C2: variants seen among roughly 807,000 people sequenced by gnomAD.
C2 encodes the protein C3/C5 convertase.
In C2, 64 loss-of-function variants were observed where a neutral mutation model predicts 85.2. That is an observed-to-expected ratio of 0.75 (90% CI 0.61 to 0.92). The LOEUF (loss-of-function observed/expected upper bound fraction) is 0.92, where lower values mean the gene tolerates loss of function less well. Ranked by LOEUF, C2 falls within the 40% of genes least tolerant of loss-of-function variation. C2 has a pLI of 0.00. For synonymous variants in C2, 311 were observed against 370.8 expected (o/e 0.84, Z 1.85); for missense variants, 820 against 971.6 (o/e 0.84, Z 2.07).
In C2 at chr6:31,945,004, T is replaced by C; in HGVS notation, c.2054T>C (p.Leu685Pro). 6.2e-7 allele frequency: 1 copy of C among 1,613,058 alleles called. No individual in the cohort carries two copies. Among genetic ancestry groups the C allele is most frequent in the Non-Finnish European group, 8.5e-7 (1 of 1,180,038 alleles). The change falls in exon 17 of 18, where the codon CTT becomes CCT. Residue 685 changes from leucine to proline, a missense_variant. Leu to Pro is a moderately conservative substitution (Grantham distance 98). Transcript: ENST00000299367. The surrounding 1 kb of genome is among the most constrained non-coding windows in gnomAD (Gnocchi z 5.3). ...CKGESGGAVF[L>P]ERRFRFFQVG... ...GGAGAATCTGGGGGAGCAGTTTTCC[T>C]TGAGCGGAGATTCAGGTTTTTTCAG...
exon 1 of C2, chr6:31,901,019 G>A: frequency 6.2e-7 from 1 of 1,614,218 alleles, no homozygotes; most frequent in Non-Finnish European, 8.5e-7. Flanking sequence ...GTCCCTAACA[G>A]CGAATTCCAA....
At chr6:31,925,607 G>A (rs116075920), upstream of C2, among the ~76,000 whole-genome samples, 688 of 152,106 alleles carry the variant, frequency 4.5e-3, 6 homozygotes, top group African/African-American at 0.016. Flanking sequence ...CTGTGCTTTC[G>A]ATATCACCCA....
rs1771001566 is a variant in C2, at chr6:31,942,961, A to T, written c.1222A>T (p.Ile408Phe). Residue 408 changes from isoleucine (I) to phenylalanine (F), a missense_variant and splice_region_variant, in exon 10 of 18, where the codon ATC becomes TTC. Coordinates refer to ENST00000299367, the MANE Select transcript of C2 (RefSeq NM_000063.6). ...GTGATTTCCCTCTTCCCCACCAGAC[A>T]TCTATGCCATCGGGGTGGGCAAGCT... is the stretch of plus-strand genomic sequence containing the variant. ...INQKRNDYLD[I>F]YAIGVGKLDV... 1 of 1,613,084 alleles carries T rather than the reference A, an allele frequency of 6.2e-7. No homozygotes were observed. The highest frequency in any genetic ancestry group is 8.5e-7 in the Non-Finnish European group (1 of 1,180,028).
chr6:31,901,435 G>A (rs1429207785), intron 1 of C2: 5 of 1,047,926 alleles, frequency 4.8e-6, no homozygotes, highest in Non-Finnish European at 6.7e-6. Flanking sequence ...CGATCTCCCG[G>A]TCTTCAGATT....
In C2 at chr6:31,942,945, C is replaced by G. The variant is rs1770999060; in HGVS notation, c.1220-14C>G. The stretch of plus-strand genomic sequence containing the variant: ...AAGCCACAGGAGTCTGGTGATTTCC[C>G]TCTTCCCCACCAGACATCTATGCCA... On this transcript the variant is annotated splice_polypyrimidine_tract_variant and intron_variant, in intron 9 of 17. Transcript: ENST00000299367. 9.9e-6 allele frequency: 16 copies of G among 1,612,938 alleles called. No homozygotes were observed. The East Asian group carries it at 3.6e-4, about 36-fold the overall frequency.
chr6:31,931,152 T>G (rs1032006897), intron 3 of C2, among the ~76,000 whole-genome samples: 2 of 152,258 alleles, frequency 1.3e-5, no homozygotes, highest in Non-Finnish European at 2.9e-5. Flanking sequence ...TTTTTATTGC[T>G]GTGTAGTATT....
chr6:31,928,111 G>A lies in C2; in HGVS notation c.203G>A (p.Gly68Glu), dbSNP rs750215781. 6.2e-7 allele frequency: 1 copy of A among 1,613,696 alleles called. No homozygotes were observed. Among genetic ancestry groups the A allele is most frequent in the Non-Finnish European group, 8.5e-7 (1 of 1,179,992 alleles). ...SPASRLCKSS[G>E]QWQTPGATRS... ...GCATCACGGCTGTGCAAGAGCAGCG[G>A]ACAGTGGCAGACCCCAGGAGCCACC... is the stretch of plus-strand genomic sequence containing the variant. Residue 68 changes from glycine (G) to glutamate (E), a missense_variant, in exon 2 of 18, where the codon GGA (glycine) becomes GAA (glutamate). Transcript: ENST00000299367.
intron 3 of C2, among the ~76,000 whole-genome samples, chr6:31,929,852 C>T (rs1769587797): frequency 6.6e-6 from 1 of 150,676 alleles, no homozygotes; most frequent in Admixed American, 6.6e-5. Flanking sequence ...GGTGAAACCT[C>T]GTCTATACTA....
chr6:31,909,931 A>G (rs902662562), intron 1 of C2, among the ~76,000 whole-genome samples: 2 of 151,378 alleles, frequency 1.3e-5, no homozygotes, highest in Non-Finnish European at 2.9e-5. Context: ...CCCCGGCTAG[A>G]GTACAGTGGT....
chr6:31,943,670 G>A lies in C2; in HGVS notation c.1594G>A (p.Glu532Lys), dbSNP rs763450579. 1 of 1,613,088 alleles carries A rather than the reference G, an allele frequency of 6.2e-7. No individual in the cohort carries two copies. The highest frequency in any genetic ancestry group is 8.5e-7 in the Non-Finnish European group (1 of 1,180,036). The change falls in exon 13 of 18, where the codon GAA (glutamate) becomes AAA (lysine). Residue 532 changes from glutamate to lysine, a missense_variant. Transcript: ENST00000299367. This position sits in a 1 kb window ranked among gnomAD's most constrained non-coding sequence, Gnocchi z 6.4. ...VGDPKSQWGK[E>K]FLIEKAVISP... The stretch of plus-strand genomic sequence containing the variant: ...AGACCCCAAATCCCAGTGGGGCAAA[G>A]AATTCCTTATTGAGAAGGCGGTGAT...
At chr6:31,900,430 C>T (rs1581991828), upstream of C2, 4 of 1,554,624 alleles carry the variant, frequency 2.6e-6, no homozygotes, top group East Asian at 2.4e-5. The surrounding 1 kb of genome is among the most constrained non-coding windows in gnomAD (Gnocchi z 9.7). Context: ...CCACCAGGCC[C>T]GAGGTGGCCC....
At chr6:31,934,103 C>T in intron 5 of C2, 63 bp from the exon 6 acceptor site, 1 of 1,599,480 alleles carries the variant, frequency 6.3e-7, no homozygotes, top group Admixed American at 1.7e-5. Context: ...GAAGCTGGAC[C>T]TGCTTGGCGA....
At chr6:31,901,607 G>T (rs1412510781) in intron 1 of C2, among the ~76,000 whole-genome samples, 1 of 151,754 alleles carries the variant, frequency 6.6e-6, no homozygotes, top group African/African-American at 2.4e-5. Flanking sequence ...GAAAAAGGGG[G>T]GCCAGAGGCC....
intron 1 of C2, among the ~76,000 whole-genome samples, chr6:31,908,205 A>G (rs938303291): frequency 6.8e-6 from 1 of 148,082 alleles, no homozygotes; most frequent in Non-Finnish European, 1.5e-5. Context: ...TTGCCCAGTC[A>G]TTGATCTTGA....
chr6:31,901,292 A>C (rs1767235781), intron 1 of C2: 6 of 1,609,774 alleles, frequency 3.7e-6, no homozygotes, highest in Non-Finnish European at 5.1e-6. Flanking sequence ...CAGGACTTCC[A>C]CCCCAGAGGC....
rs910798457 is a variant in C2, at chr6:31,939,123, C to T, written c.1130-108C>T. On this transcript the variant is annotated intron_variant, in intron 8 of 17. Transcript: ENST00000299367. ...CTAAAAGTATATTTTGAAGCTCTCA[C>T]AGGCAATGTAAATGTTGAGGTTCCC... 2.7e-5 allele frequency: 22 copies of T among 812,124 alleles called. No homozygotes were observed. The Admixed American group carries it at 3.8e-4, about 14-fold the overall frequency. The allele number at this position is 812,124 out of a possible 1,614,324, so 50.3% of individuals were successfully genotyped here.
At chr6:31,909,014 A>G (rs1368546165) in intron 1 of C2, among the ~76,000 whole-genome samples, 1 of 151,936 alleles carries the variant, frequency 6.6e-6, no homozygotes, top group East Asian at 1.9e-4. Context: ...TCATTTGCTT[A>G]TTGTAATAGT....
upstream of C2, among the ~76,000 whole-genome samples, chr6:31,917,604 AT>A (rs567267734): frequency 5.4e-4 from 82 of 150,870 alleles, no homozygotes; most frequent in East Asian, 4.6e-3. Flanking sequence ...AAAAGTTGGA[AT>A]TTTAAAAAAA....
chr6:31,943,602 G>T lies in C2; in HGVS notation c.1568-42G>T. On this transcript the variant is annotated intron_variant, in intron 12 of 17. Transcript: ENST00000299367. The surrounding 1 kb of genome is among the most constrained non-coding windows in gnomAD (Gnocchi z 6.4). The stretch of plus-strand genomic sequence containing the variant: ...CCACCTCACCCAGCCTCTGGCCCCT[G>T]CAGGAGCCCTGGTCTAGCCTAATCT... 1.2e-6 allele frequency: 2 copies of T among 1,611,794 alleles called. No individual in the cohort carries two copies. Among genetic ancestry groups the T allele is most frequent in the Non-Finnish European group, 1.7e-6 (2 of 1,178,896 alleles).
Sources: gnomAD v4.1 joint callset for allele counts (sites outside exome capture counted in the v4.1 genomes callset) on GRCh38, gnomAD v4.1.1 for gene constraint, Gnocchi (gnomAD v3.1) non-coding constraint, MANE v1.5 for transcripts, NCBI Gene and HGNC (gene_info 2026-07-23, HGNC 2026-07-21) for gene names.